The following RALGAPB variants were observed in gnomAD, a reference collection of about 807,000 sequenced individuals.
RALGAPB encodes the protein ral GTPase-activating protein subunit beta.
In RALGAPB, 25 loss-of-function variants were observed where a neutral mutation model predicts 161.1. The ratio of observed to expected loss-of-function variants is 0.16; its 90% CI spans 0.11 to 0.22. The LOEUF is 0.22. RALGAPB is among the 10% of genes least tolerant of loss of function. RALGAPB has a pLI of 1.00. For synonymous variants in RALGAPB, 629 were observed against 626.1 expected (o/e 1.00, Z -0.07); for missense variants, 1,391 against 1,815.2 (o/e 0.77, Z 4.25).
intron 23 of RALGAPB, among the ~76,000 whole-genome samples, chr20:38,559,461 G>A (rs993152858): frequency 1.3e-5 from 2 of 152,230 alleles, no homozygotes; most frequent in Admixed American, 6.5e-5. Context: ...TTGGGAGGCC[G>A]AGGCGGATGG....
intron 10 of RALGAPB, among the ~76,000 whole-genome samples, chr20:38,523,312 A>G (rs746947435): frequency 1.3e-5 from 2 of 152,196 alleles, no homozygotes; most frequent in South Asian, 2.1e-4. Flanking sequence ...GGTGGGTCAC[A>G]TAAGGGTGTT....
rs1464473302 is a variant in RALGAPB, at chr20:38,574,982, A to G, written c.*15A>G. The G allele has an allele frequency of 3.2e-6, 5 of 1,584,586 alleles. No individual in the cohort carries two copies. The East Asian group carries it at 8.9e-5, about 28-fold the overall frequency. ...GCAGTTCTTAGACCACTGAATTTCT[A>G]AGACTGTTGAACTCCAGTTTGGGAA... On this transcript the variant is annotated 3_prime_UTR_variant, in exon 30 of 30. Coordinates refer to ENST00000262879, the MANE Select transcript of RALGAPB (RefSeq NM_020336.4).
At position 38,575,157 on chromosome 20, in the gene RALGAPB, C is replaced by G; in HGVS notation, c.*190C>G. The G allele has an allele frequency of 1.7e-6, 1 of 575,950 alleles. No homozygotes were observed. Among genetic ancestry groups the G allele is most frequent in the Non-Finnish European group, 3.1e-6 (1 of 327,354 alleles). The allele number at this position is 575,950 out of a possible 1,614,324, so 35.7% of individuals were successfully genotyped here. A position where few individuals can be genotyped will look rare whatever the true frequency, so the allele number is the denominator to read the frequency against. ...TTGGGCTATCTAGTGAAATGGGCTC[C>G]CAGACACAATCACACTCCTGCTGAT... On this transcript the variant is annotated 3_prime_UTR_variant, in exon 30 of 30. Coordinates refer to ENST00000262879, the MANE Select transcript of RALGAPB (RefSeq NM_020336.4).
chr20:38,563,698 A>C (rs963555190), intron 24 of RALGAPB, among the ~76,000 whole-genome samples: 1 of 152,204 alleles, frequency 6.6e-6, no homozygotes, highest in Non-Finnish European at 1.5e-5. Context: ...TTATGGTTGC[A>C]AGTATCAGAA....
intron 3 of RALGAPB, among the ~76,000 whole-genome samples, chr20:38,496,501 C>T (rs1480829369): frequency 6.6e-6 from 1 of 152,142 alleles, no homozygotes; most frequent in Admixed American, 6.5e-5. Flanking sequence ...TGGAGGCCAG[C>T]TTACCACTTG....
chr20:38,542,815 C>T (rs1441808281), intron 18 of RALGAPB, among the ~76,000 whole-genome samples: 1 of 151,248 alleles, frequency 6.6e-6, no homozygotes, highest in Non-Finnish European at 1.5e-5. Context: ...ACGGAGGTTG[C>T]AGTGAGCCGA....
intron 5 of RALGAPB, among the ~76,000 whole-genome samples, chr20:38,503,615 A>G (rs2085661936): frequency 6.6e-6 from 1 of 152,250 alleles, no homozygotes; most frequent in East Asian, 1.9e-4. Context: ...TATAGATGCC[A>G]TGAACATTGT....
At chr20:38,510,131 TACACACAC>T (rs34759480) in intron 6 of RALGAPB, among the ~76,000 whole-genome samples, 1,852 of 146,210 alleles carry the variant, frequency 0.013, 17 homozygotes, top group African/African-American at 0.014. Context: ...CACACGCACA[TACACACAC>T]ACACACACAC....
intron 3 of RALGAPB, among the ~76,000 whole-genome samples, chr20:38,494,255 C>A (rs2085353218): frequency 6.6e-6 from 1 of 152,206 alleles, no homozygotes; most frequent in Non-Finnish European, 1.5e-5. Flanking sequence ...TGGTGCAATA[C>A]TGGTATTTTA....
At chr20:38,539,237 G>A (rs1189193792) in intron 16 of RALGAPB, among the ~76,000 whole-genome samples, 2 of 152,186 alleles carry the variant, frequency 1.3e-5, no homozygotes, top group Non-Finnish European at 2.9e-5. Flanking sequence ...TGCTTAGGGA[G>A]AGGGGCAAAG....
intron 24 of RALGAPB, among the ~76,000 whole-genome samples, chr20:38,563,439 T>G (rs190079440): frequency 6.6e-6 from 1 of 152,334 alleles, no homozygotes; most frequent in Admixed American, 6.5e-5. Flanking sequence ...TACCAAAACC[T>G]TTGTAGTAAA....
chr20:38,490,371 G>C (rs2085244377), intron 2 of RALGAPB, among the ~76,000 whole-genome samples: 1 of 152,054 alleles, frequency 6.6e-6, no homozygotes, highest in Non-Finnish European at 1.5e-5. Context: ...ACCATGCCTG[G>C]CTAATTTTTT....
Position 38,532,733 on chromosome 20 carries a change from G to T in RALGAPB, c.2119G>T (p.Gly707Cys). 1 of 1,613,708 alleles carries T rather than the reference G, an allele frequency of 6.2e-7. No individual in the cohort carries two copies. Among genetic ancestry groups the T allele is most frequent in the Non-Finnish European group, 8.5e-7 (1 of 1,179,654 alleles). The change falls in exon 15 of 30, where the codon GGT becomes TGT. Residue 707 changes from glycine (G) to cysteine (C), a missense_variant. By Grantham distance (159) the Gly-to-Cys change is radical. Transcript: ENST00000262879. ...EAIGCQMEMG[G>C]GENNLKSHSR... Reference sequence around the variant, plus strand: ...TGATTCATTTTCATTTGACTAGGGTGGTGGAGAAAATAACCTGAAGAGTCA... The same window carrying T: ...TGATTCATTTTCATTTGACTAGGGTTGTGGAGAAAATAACCTGAAGAGTCA...
At chr20:38,529,232 A>G (rs2086572479) in intron 13 of RALGAPB, among the ~76,000 whole-genome samples, 1 of 152,220 alleles carries the variant, frequency 6.6e-6, no homozygotes, top group Admixed American at 6.5e-5. Context: ...TTTTTACAAT[A>G]AAGTATGCTG....
chr20:38,529,415 G>T (rs2086578319), intron 13 of RALGAPB, among the ~76,000 whole-genome samples: 1 of 152,008 alleles, frequency 6.6e-6, no homozygotes, highest in Non-Finnish European at 1.5e-5. Flanking sequence ...CTACTTGGGA[G>T]GCTGAGATAG....
intron 14 of RALGAPB, among the ~76,000 whole-genome samples, chr20:38,531,823 T>G (rs191141060): frequency 6.6e-6 from 1 of 152,248 alleles, no homozygotes; most frequent in Non-Finnish European, 1.5e-5. Context: ...GATCAAATTA[T>G]TATTACGGAA....
intron 13 of RALGAPB, among the ~76,000 whole-genome samples, chr20:38,529,975 A>G (rs1016207285): frequency 6.6e-6 from 1 of 152,250 alleles, no homozygotes; most frequent in Non-Finnish European, 1.5e-5. Context: ...TCTACAGTAC[A>G]TATCAAGCAA....
chr20:38,543,458 C>T (rs182995806), intron 18 of RALGAPB, among the ~76,000 whole-genome samples: 2 of 152,264 alleles, frequency 1.3e-5, no homozygotes, highest in East Asian at 3.9e-4. Flanking sequence ...ATCTCTTAGC[C>T]CTTCTTGTTC....
intron 1 of RALGAPB, among the ~76,000 whole-genome samples, chr20:38,483,934 T>C (rs1250381761): frequency 2.0e-5 from 3 of 152,168 alleles, no homozygotes; most frequent in Non-Finnish European, 4.4e-5. Flanking sequence ...CTCATGCCTG[T>C]AATCCCAGCA....
Sources: gnomAD v4.1 joint callset for allele counts (sites outside exome capture counted in the v4.1 genomes callset) on GRCh38, gnomAD v4.1.1 for gene constraint, MANE v1.5 for transcripts, NCBI Gene and HGNC (gene_info 2026-07-23, HGNC 2026-07-21) for gene names.